UBQLN1: variants seen among roughly 807,000 people sequenced by gnomAD.
The protein encoded by UBQLN1 is ubiquilin-1.
Under a neutral mutation model 65.4 loss-of-function variants are expected in UBQLN1, and 13 were observed. That is an observed-to-expected ratio of 0.20 (90% CI 0.13 to 0.32). The LOEUF (loss-of-function observed/expected upper bound fraction) is 0.32, where lower values mean the gene tolerates loss of function less well. Among genes scored for constraint, UBQLN1 ranks in the 10% least tolerant of loss-of-function variants. The pLI, the probability that UBQLN1 is intolerant of heterozygous loss-of-function variation, is 1.00. For missense variants in UBQLN1, 561 were observed against 724.0 expected, an observed-to-expected ratio of 0.77 and a Z score of 2.58; for synonymous variants, 267 against 247.8, an observed-to-expected ratio of 1.08 and a Z score of -0.73.
intron 6 of UBQLN1, among the ~76,000 whole-genome samples, chr9:83,669,878 G>A (rs1208594044): frequency 6.6e-6 from 1 of 152,162 alleles, no homozygotes; most frequent in Non-Finnish European, 1.5e-5. Flanking sequence ...AGCAGTATCA[G>A]GAGCCTGATT....
intron 2 of UBQLN1, among the ~76,000 whole-genome samples, chr9:83,685,669 G>A (rs545162189): frequency 1.7e-4 from 26 of 150,466 alleles, no homozygotes; most frequent in Non-Finnish European, 3.1e-4. Context: ...TTATCAATTC[G>A]TGGTTTGCTA....
chr9:83,685,961 A>G (rs1385698059), intron 2 of UBQLN1, 43 bp downstream of exon 2: 3 of 1,542,692 alleles, frequency 1.9e-6, no homozygotes, highest in Admixed American at 4.4e-5. Context: ...AAGTACGAAC[A>G]TTTATCCACA....
intron 1 of UBQLN1, among the ~76,000 whole-genome samples, chr9:83,704,992 T>C (rs1832374300): frequency 6.6e-6 from 1 of 152,208 alleles, no homozygotes; most frequent in Non-Finnish European, 1.5e-5. Flanking sequence ...TGATTATTTC[T>C]AATCTTTTGC....
Position 83,678,586 on chromosome 9 carries a change from G to A in UBQLN1, c.725C>T (p.Ala242Val), listed in dbSNP as rs1048349702. The part of the protein sequence containing the change: ...PDIMRQTLEL[A>V]RNPAMMQEMM... ...CTCCTGCATCATTGCTGGATTCCTG[G>A]CAAGTTCCAACGTCTACGAAAAATA... The change falls in exon 5 of 11, where the codon GCC (alanine) becomes GTC (valine). Residue 242 changes from alanine (A) to valine (V), a missense_variant. Ala to Val is a moderately conservative substitution (Grantham distance 64). Transcript: ENST00000376395. The A allele has an allele frequency of 2.5e-6, 4 of 1,603,892 alleles. No individual in the cohort carries two copies. The highest frequency in any genetic ancestry group is 1.4e-5 in the African/African-American group (1 of 73,974).
At chr9:83,696,827 G>C (rs1344782707) in intron 1 of UBQLN1, among the ~76,000 whole-genome samples, 1 of 152,140 alleles carries the variant, frequency 6.6e-6, no homozygotes, top group Non-Finnish European at 1.5e-5. Flanking sequence ...CTCGGGGGCA[G>C]GGGGGCTGGG....
rs752633075 is a variant in UBQLN1 at position 83,683,105 on chromosome 9, T to C, written c.333-39A>G. The C allele has an allele frequency of 1.1e-5, 16 of 1,457,226 alleles. No individual in the cohort carries two copies. The Middle Eastern group carries it at 9.8e-4, about 89-fold the overall frequency. 90.3% of individuals were successfully genotyped at this position (1,457,226 alleles called of 1,614,324 possible). A position where few individuals can be genotyped will look rare whatever the true frequency, so the allele number is the denominator to read the frequency against. ...TTAATCACAGAGTAAGCAGTAGAGC[T>C]GATTATTTTTAAAAGAACCACCAAA... On this transcript the variant is annotated intron_variant, in intron 2 of 10. Transcript: ENST00000376395.
rs780166648 is a variant in UBQLN1 at position 83,665,047 on chromosome 9, G to A, written c.1431C>T (p.Ala477=). The A allele has an allele frequency of 1.9e-6, 3 of 1,613,230 alleles. No homozygotes were observed. The highest frequency in any genetic ancestry group is 2.5e-6 in the Non-Finnish European group (3 of 1,179,712). Residue 477 remains alanine (A), a synonymous_variant, in exon 9 of 11, where the codon GCC becomes GCT. Coordinates refer to ENST00000376395, the MANE Select transcript of UBQLN1 (RefSeq NM_013438.5). ...QQGLQTLATE[A]PGLIPGFTPG... is the part of the protein sequence containing the mutation. ...AAGCCTACCCTGGGATGAGGCCCGG[G>A]GCTTCCGTTGCTAATGTCTGTAAAC...
At chr9:83,695,237 C>A (rs1372457094) in intron 1 of UBQLN1, among the ~76,000 whole-genome samples, 1 of 141,678 alleles carries the variant, frequency 7.1e-6, no homozygotes, top group East Asian at 2.4e-4. Context: ...CTCACTCTGT[C>A]GCCCAGGCTG....
chr9:83,667,717 A>G (rs1831664549), intron 7 of UBQLN1: 2 of 983,586 alleles, frequency 2.0e-6, no homozygotes, highest in Admixed American at 1.2e-4. Flanking sequence ...TTCACAGATA[A>G]TCATCTTATT....
At chr9:83,673,657 A>G (rs575497210) in intron 6 of UBQLN1, among the ~76,000 whole-genome samples, 26 of 152,190 alleles carry the variant, frequency 1.7e-4, no homozygotes, top group African/African-American at 5.8e-4. Context: ...CGTGAAAACT[A>G]TATGAAATTC....
intron 1 of UBQLN1, among the ~76,000 whole-genome samples, chr9:83,697,551 C>CAAAAAAAAA (rs750268209): frequency 5.5e-4 from 19 of 34,476 alleles, no homozygotes; most frequent in African/African-American, 1.9e-3. Flanking sequence ...GACACTGTCT[C>CAAAAAAAAA]AAAAAAAAAA....
Position 83,707,552 on chromosome 9 carries a change from G to T in UBQLN1, c.128C>A (p.Thr43Asn), listed in dbSNP as rs1832433918. 1 of 1,611,040 alleles carries T rather than the reference G, an allele frequency of 6.2e-7. No individual in the cohort carries two copies. Among genetic ancestry groups the T allele is most frequent in the Non-Finnish European group, 8.5e-7 (1 of 1,178,700 alleles). Reference protein sequence around the residue: ...EPKIMKVTVKTPKEKEEFAVP... With the variant: ...EPKIMKVTVKNPKEKEEFAVP... Reference sequence around the variant, plus strand: ...GGCGAATTCCTCCTTTTCCTTCGGGGTCTTCACGGTGACTTTCATGATTTT... The same window carrying T: ...GGCGAATTCCTCCTTTTCCTTCGGGTTCTTCACGGTGACTTTCATGATTTT... Residue 43 changes from threonine to asparagine, a missense_variant, in exon 1 of 11, where the codon ACC becomes AAC. Around this residue, in one of 8 missense-constraint regions of UBQLN1, gnomAD observed 101 missense variants for 104.9 expected, o/e 0.96. Coordinates refer to ENST00000376395, the MANE Select transcript of UBQLN1 (RefSeq NM_013438.5).
At position 83,664,071 on chromosome 9, in the gene UBQLN1, C is replaced by T. The variant is rs371557921; in HGVS notation, c.1449-28G>A. On this transcript the variant is annotated intron_variant, in intron 9 of 10. Coordinates refer to ENST00000376395, the MANE Select transcript of UBQLN1 (RefSeq NM_013438.5). ...ACAGAAAGCACAAATAGGAAATATC[C>T]TAAGGTCCTGCAAAACCAGAAGCCA... The T allele has an allele frequency of 1.5e-5, 24 of 1,592,602 alleles. No homozygotes were observed. In the African/African-American group the frequency reaches 2.7e-4, roughly 18 times the overall value.
chr9:83,679,940 G>A lies in UBQLN1; in HGVS notation c.546C>T (p.Asn182=). 6.2e-7 allele frequency: 1 copy of A among 1,614,086 alleles called. No individual in the cohort carries two copies. The highest frequency in any genetic ancestry group is 8.5e-7 in the Non-Finnish European group (1 of 1,180,026). The stretch of plus-strand genomic sequence containing the variant: ...CCATGATCTGGACCATCATTTCAGG[G>A]TTAGACAAAAGTTGTCGCTGCATCT... ...QSQMQRQLLS[N]PEMMVQIMEN... The change falls in exon 4 of 11, where the codon AAC becomes AAT. Residue 182 remains asparagine, a synonymous_variant. Coordinates refer to ENST00000376395, the MANE Select transcript of UBQLN1 (RefSeq NM_013438.5).
chr9:83,670,663 C>T lies in UBQLN1; in HGVS notation c.1106-1336G>A, dbSNP rs79903988. On this transcript the variant is annotated intron_variant, in intron 6 of 10. Transcript: ENST00000376395. Reference sequence around the variant, plus strand: ...GTGGCAATTTCTTAAAATAAGACAACGATGAAGTTTGCCACATCAGGAAAA... The same window carrying T: ...GTGGCAATTTCTTAAAATAAGACAATGATGAAGTTTGCCACATCAGGAAAA... Among the ~76,000 whole-genome samples, 262 of 152,260 alleles carry T rather than the reference C, an allele frequency of 1.7e-3. 1 individual carries two copies. Among genetic ancestry groups the T allele is most frequent in the African/African-American group, 6.1e-3 (254 of 41,558 alleles).
intron 1 of UBQLN1, among the ~76,000 whole-genome samples, chr9:83,688,091 T>C (rs559816850): frequency 1.7e-4 from 26 of 152,334 alleles, no homozygotes; most frequent in African/African-American, 5.8e-4. Flanking sequence ...CTTTAGTACC[T>C]ATCCGAAATA....
chr9:83,666,507 T>C (rs920539483), intron 7 of UBQLN1, 74 bp from the exon 8 acceptor site: 26 of 1,445,974 alleles, frequency 1.8e-5, no homozygotes, highest in Non-Finnish European at 2.5e-5. Flanking sequence ...TTATTCTATC[T>C]TCCCCCAAGT....
chr9:83,676,230 G>C (rs1831830060), intron 6 of UBQLN1, among the ~76,000 whole-genome samples: 1 of 152,226 alleles, frequency 6.6e-6, no homozygotes, highest in Non-Finnish European at 1.5e-5. Flanking sequence ...TGATAGGCCA[G>C]CAGAGTAAGT....
At chr9:83,704,806 G>A (rs1469463047) in intron 1 of UBQLN1, among the ~76,000 whole-genome samples, 1 of 127,112 alleles carries the variant, frequency 7.9e-6, no homozygotes, top group Admixed American at 1.0e-4. Context: ...AGCCTGGGGG[G>A]TGACAGAGAC....
Sources: gnomAD v4.1 joint callset for allele counts (sites outside exome capture counted in the v4.1 genomes callset) on GRCh38, gnomAD v4.1.1 for gene constraint, gnomAD v4.1.1 regional missense constraint, MANE v1.5 for transcripts, NCBI Gene and HGNC (gene_info 2026-07-23, HGNC 2026-07-21) for gene names.